LRRC7: variants seen among roughly 807,000 people sequenced by gnomAD.
LRRC7 encodes the protein leucine rich repeat containing 7.
In LRRC7, 23 loss-of-function variants were observed where a neutral mutation model predicts 175.7. That is an observed-to-expected ratio of 0.13 (90% CI 0.09 to 0.19). The LOEUF (loss-of-function observed/expected upper bound fraction) is 0.19, where lower values mean the gene tolerates loss of function less well. Ranked by LOEUF, LRRC7 falls within the 10% of genes least tolerant of loss-of-function variation. LRRC7 has a pLI of 1.00. For missense variants in LRRC7, 1,354 were observed against 1,904.7 expected (o/e 0.71, Z 5.38); for synonymous variants, 685 against 680.9 (o/e 1.01, Z -0.09).
Position 70,126,114 on chromosome 1 carries a change from G to A in LRRC7, c.*4227G>A, listed in dbSNP as rs1485801106. ...AATTTCTACCCCTCATTAGCACACC[G>A]ATCAAATATGTCTGATGAATACATT... On this transcript the variant is annotated 3_prime_UTR_variant, in exon 27 of 27. Transcript: ENST00000651989. Among the ~76,000 whole-genome samples the A allele has an allele frequency of 6.6e-6, 1 of 151,978 alleles. No individual in the cohort carries two copies. The highest frequency in any genetic ancestry group is 1.5e-5 in the Non-Finnish European group (1 of 68,012).
rs1666353845 is a variant in LRRC7 at position 70,124,446 on chromosome 1, A to C, written c.*2559A>C. On this transcript the variant is annotated 3_prime_UTR_variant, in exon 27 of 27. Transcript: ENST00000651989. ...CTGAGGCATGAGAATCAATCGCTTG[A>C]CCTGGGAGGCGGAGGTTGCAGTGAG... is the stretch of plus-strand genomic sequence containing the variant. 6.6e-6 allele frequency among the ~76,000 whole-genome samples: 1 copy of C among 152,076 alleles called. No individual in the cohort carries two copies.
At chr1:70,030,510 A>G (rs1658600172) in intron 18 of LRRC7, among the ~76,000 whole-genome samples, 2 of 152,156 alleles carry the variant, frequency 1.3e-5, no homozygotes, top group Admixed American at 1.3e-4. Context: ...AAAGGGTCAC[A>G]CTCTATTTTT....
chr1:69,742,250 A>G (rs1409166801), intron 2 of LRRC7, among the ~76,000 whole-genome samples: 1 of 152,024 alleles, frequency 6.6e-6, no homozygotes, highest in Admixed American at 6.6e-5. Context: ...AAAACTAAAT[A>G]TCAAATAGTT....
At chr1:69,882,543 T>A (rs1459329415) in intron 7 of LRRC7, among the ~76,000 whole-genome samples, 1 of 151,556 alleles carries the variant, frequency 6.6e-6, no homozygotes, top group African/African-American at 2.4e-5. Context: ...TATATAAATA[T>A]CATTTAGCCT....
intron 7 of LRRC7, among the ~76,000 whole-genome samples, chr1:69,893,772 T>C (rs1463997748): frequency 6.6e-6 from 1 of 152,034 alleles, no homozygotes; most frequent in African/African-American, 2.4e-5. Flanking sequence ...TTAAGAGATT[T>C]TTTAATTTAA....
chr1:70,041,782 C>T (rs1659919315), intron 21 of LRRC7, among the ~76,000 whole-genome samples: 1 of 152,286 alleles, frequency 6.6e-6, no homozygotes, highest in East Asian at 1.9e-4. Context: ...TTACTGGTGT[C>T]CCAGATCAAT....
At chr1:69,825,236 T>A (rs756531218) in intron 4 of LRRC7, among the ~76,000 whole-genome samples, 25 of 152,160 alleles carry the variant, frequency 1.6e-4, no homozygotes, top group Non-Finnish European at 2.9e-4. Flanking sequence ...TGTATAAAAT[T>A]TAGCAGAGCC....
chr1:70,041,382 CT>C (rs967973909), intron 21 of LRRC7, among the ~76,000 whole-genome samples: 1 of 152,106 alleles, frequency 6.6e-6, no homozygotes, highest in African/African-American at 2.4e-5. Context: ...TTGGTTCTGC[CT>C]TGCAAAATAT....
intron 8 of LRRC7, among the ~76,000 whole-genome samples, chr1:69,953,702 TG>T (rs1370017832): frequency 1.3e-5 from 2 of 152,072 alleles, no homozygotes; most frequent in African/African-American, 4.8e-5. Flanking sequence ...CTAACTAGGA[TG>T]GGAGCTTCTT....
At chr1:69,878,899 A>G (rs1012566145) in intron 7 of LRRC7, among the ~76,000 whole-genome samples, 2 of 148,258 alleles carry the variant, frequency 1.3e-5, no homozygotes, top group Non-Finnish European at 3.0e-5. Flanking sequence ...TATAAAATGT[A>G]TATATACATA....
intron 1 of LRRC7, among the ~76,000 whole-genome samples, chr1:69,619,401 C>T (rs952736469): frequency 3.3e-5 from 5 of 152,060 alleles, no homozygotes; most frequent in Admixed American, 2.0e-4. Context: ...AAAACACCAC[C>T]GGTTTCTACT....
chr1:69,920,250 G>C (rs1646849478), intron 7 of LRRC7: 1 of 152,682 alleles, frequency 6.5e-6, no homozygotes, highest in South Asian at 2.1e-4. Flanking sequence ...AACACTCGTG[G>C]GCCCAGCTGT....
chr1:69,875,652 A>G lies in LRRC7; in HGVS notation c.647+37369A>G, dbSNP rs138295709. Among the ~76,000 whole-genome samples the G allele has an allele frequency of 8.1e-3, 1,236 of 152,180 alleles. 16 individuals are homozygous for G. Among genetic ancestry groups the G allele is most frequent in the African/African-American group, 0.027 (1,133 of 41,548 alleles). ...AAGAGGAATTATGCATACCAGTTTA[A>G]CAAAATACTGCCTGTGTTTATCTGT... is the stretch of plus-strand genomic sequence containing the variant. On this transcript the variant is annotated intron_variant, in intron 7 of 26. Transcript: ENST00000651989.
In LRRC7 at chr1:70,013,110, A is replaced by C. The variant is rs537227333; in HGVS notation, c.1250+21A>C. On this transcript the variant is annotated intron_variant, in intron 13 of 26. Coordinates refer to ENST00000651989, the MANE Select transcript of LRRC7 (RefSeq NM_001370785.2). ...AACAGGTATTTTTGCAACATTTCAC[A>C]ATCACATATTAGTTATTTGCTGAAA... 29 of 1,386,852 alleles carry C rather than the reference A, an allele frequency of 2.1e-5. 1 individual carries two copies. The South Asian group carries it at 3.6e-4, about 17-fold the overall frequency. The allele number at this position is 1,386,852 out of a possible 1,614,324, so 85.9% of individuals were successfully genotyped here.
rs141967133 is a variant in LRRC7 at position 70,053,965 on chromosome 1, A to G, written c.4230+820A>G. On this transcript the variant is annotated intron_variant, in intron 23 of 26. Transcript: ENST00000651989. ...TTTACTAGACTGGCAAAAATTAAGAAATCTGAAAAATACAAGTCGTTTGTA... is the reference window on the plus strand; with the variant it reads ...TTTACTAGACTGGCAAAAATTAAGAGATCTGAAAAATACAAGTCGTTTGTA... 1.3e-3 allele frequency among the ~76,000 whole-genome samples: 201 copies of G among 152,332 alleles called. 6 individuals are homozygous for G. The highest frequency in any genetic ancestry group is 0.012 in the East Asian group (62 of 5,190).
At chr1:69,916,489 C>G (rs890681508) in intron 7 of LRRC7, among the ~76,000 whole-genome samples, 2 of 151,434 alleles carry the variant, frequency 1.3e-5, no homozygotes, top group Non-Finnish European at 2.9e-5. Context: ...CTGCCTTTAG[C>G]TCCATGCATA....
intron 5 of LRRC7, among the ~76,000 whole-genome samples, chr1:69,829,974 A>C (rs1680344493): frequency 6.6e-6 from 1 of 151,776 alleles, no homozygotes; most frequent in African/African-American, 2.4e-5. Flanking sequence ...TAACTCCTCA[A>C]TGGGAAAAGC....
At chr1:69,882,973 A>AATG in intron 7 of LRRC7, among the ~76,000 whole-genome samples, 1 of 152,086 alleles carries the variant, frequency 6.6e-6, no homozygotes. Flanking sequence ...ATAGTATTCC[A>AATG]TGGTGTATAT....
chr1:70,097,777 C>T (rs1664520270), intron 25 of LRRC7, among the ~76,000 whole-genome samples: 5 of 151,706 alleles, frequency 3.3e-5, no homozygotes, highest in African/African-American at 1.2e-4. Flanking sequence ...CATGTCCCTA[C>T]AAAGGACATG....
Sources: allele counts gnomAD v4.1 joint callset (sites outside exome capture counted in the v4.1 genomes callset), GRCh38; gene constraint gnomAD v4.1.1; transcripts MANE v1.5; gene names NCBI Gene and HGNC (gene_info 2026-07-23, HGNC 2026-07-21).